The following HS6ST3 variants were observed in gnomAD, a reference collection of about 807,000 sequenced individuals.
HS6ST3 encodes the protein heparan-sulfate 6-O-sulfotransferase 3.
A neutral mutation model predicts 36.7 loss-of-function variants in HS6ST3; 12 were observed. The observed-to-expected ratio is 0.33, with a 90% confidence interval of 0.21 to 0.53. The LOEUF is 0.53. HS6ST3 is among the 20% of genes least tolerant of loss of function. The pLI is 0.95. For missense variants in HS6ST3, 584 were observed against 640.9 expected, an observed-to-expected ratio of 0.91 and a Z score of 0.96; for synonymous variants, 240 against 257.5, an observed-to-expected ratio of 0.93 and a Z score of 0.65.
At chr13:96,620,496 A>G (rs1360152326) in intron 1 of HS6ST3, among the ~76,000 whole-genome samples, 1 of 152,232 alleles carries the variant, frequency 6.6e-6, no homozygotes, top group African/African-American at 2.4e-5. Flanking sequence ...CAGGCCTTGA[A>G]CATCTGACTT....
In HS6ST3 at chr13:96,335,425, G is replaced by A. The variant is rs143983223; in HGVS notation, c.707+243856G>A. On this transcript the variant is annotated intron_variant, in intron 1 of 1. Coordinates refer to ENST00000376705, the MANE Select transcript of HS6ST3 (RefSeq NM_153456.4). ...AGGGTGGTTTGGGGGCCCCTGTGAC[G>A]TGCTTGACTGCTGGCTTTGCCCACG... is the stretch of plus-strand genomic sequence containing the variant. Among the ~76,000 whole-genome samples the A allele has an allele frequency of 5.3e-3, 814 of 152,292 alleles. 5 individuals carry two copies. Among genetic ancestry groups the A allele is most frequent in the Non-Finnish European group, 8.2e-3 (556 of 68,028 alleles).
intron 1 of HS6ST3, among the ~76,000 whole-genome samples, chr13:96,723,405 G>A (rs1204498368): frequency 6.6e-6 from 1 of 152,118 alleles, no homozygotes; most frequent in Non-Finnish European, 1.5e-5. Context: ...GGTGGCTCCT[G>A]ATGACTCTAC....
chr13:96,401,518 T>C lies in HS6ST3; in HGVS notation c.707+309949T>C, dbSNP rs2055451042. ...GTCCTTTCTCAGTTTCTTATAGTTT[T>C]ATTTGTTACAATTGTCACAAGTATA... is the stretch of plus-strand genomic sequence containing the variant. On this transcript the variant is annotated intron_variant, in intron 1 of 1. Coordinates refer to ENST00000376705, the MANE Select transcript of HS6ST3 (RefSeq NM_153456.4). Among the ~76,000 whole-genome samples the C allele has an allele frequency of 2.0e-5, 3 of 152,226 alleles. No homozygotes were observed. In the South Asian group the frequency reaches 6.2e-4, roughly 32 times the overall value.
At chr13:96,316,495 G>A (rs564314878) in intron 1 of HS6ST3, among the ~76,000 whole-genome samples, 40 of 152,130 alleles carry the variant, frequency 2.6e-4, no homozygotes, top group Non-Finnish European at 5.3e-4. Flanking sequence ...CTGTGAAGAT[G>A]AAATGCAGCT....
chr13:96,193,878 G>A (rs1489784650), intron 1 of HS6ST3, among the ~76,000 whole-genome samples: 1 of 152,150 alleles, frequency 6.6e-6, no homozygotes, highest in African/African-American at 2.4e-5. Context: ...GGCCACCAGA[G>A]CTAATTAATA....
intron 1 of HS6ST3, among the ~76,000 whole-genome samples, chr13:96,207,121 C>T (rs969392482): frequency 7.9e-5 from 12 of 152,150 alleles, no homozygotes; most frequent in African/African-American, 2.9e-4. Context: ...AAAACCTAAA[C>T]AACCCTGTTA....
chr13:96,633,213 A>G (rs2056537892), intron 1 of HS6ST3, among the ~76,000 whole-genome samples: 1 of 152,206 alleles, frequency 6.6e-6, no homozygotes, highest in African/African-American at 2.4e-5. Flanking sequence ...AGGCAGGAAC[A>G]TAAATGGGAG....
chr13:96,433,543 C>G (rs963554794), intron 1 of HS6ST3, among the ~76,000 whole-genome samples: 38 of 152,190 alleles, frequency 2.5e-4, no homozygotes, highest in African/African-American at 8.9e-4. Flanking sequence ...TGCACATGCT[C>G]TTTTACCTGT....
At chr13:96,648,215 C>CAAG (rs2056595384) in intron 1 of HS6ST3, among the ~76,000 whole-genome samples, 1 of 152,030 alleles carries the variant, frequency 6.6e-6, no homozygotes, top group Non-Finnish European at 1.5e-5. Context: ...CAGCACAACA[C>CAAG]AAGCTGTCAC....
At chr13:96,117,746 G>T (rs907685592) in intron 1 of HS6ST3, among the ~76,000 whole-genome samples, 1 of 152,172 alleles carries the variant, frequency 6.6e-6, no homozygotes, top group East Asian at 1.9e-4. Context: ...GTAATAGACT[G>T]CATGAATCTA....
chr13:96,345,181 G>A (rs2055147567), intron 1 of HS6ST3, among the ~76,000 whole-genome samples: 1 of 152,142 alleles, frequency 6.6e-6, no homozygotes, highest in South Asian at 2.1e-4. Flanking sequence ...GCTTCAGGAG[G>A]ATTCTTCCTT....
intron 1 of HS6ST3, among the ~76,000 whole-genome samples, chr13:96,229,178 G>A (rs1459791568): frequency 6.6e-6 from 1 of 152,150 alleles, no homozygotes. Context: ...AAAAACCCAG[G>A]AGGGGTACTG....
At chr13:96,634,359 G>A (rs984434996) in intron 1 of HS6ST3, among the ~76,000 whole-genome samples, 4 of 152,108 alleles carry the variant, frequency 2.6e-5, no homozygotes, top group Non-Finnish European at 5.9e-5. Flanking sequence ...GCTCACATCG[G>A]AATGGCTTGT....
intron 1 of HS6ST3, among the ~76,000 whole-genome samples, chr13:96,410,471 T>TA (rs1044872218): frequency 6.6e-6 from 1 of 151,858 alleles, no homozygotes; most frequent in Non-Finnish European, 1.5e-5. Context: ...TGATATGAAT[T>TA]AAAAAAAATA....
intron 1 of HS6ST3, among the ~76,000 whole-genome samples, chr13:96,665,208 A>G (rs1362612510): frequency 6.6e-6 from 1 of 152,082 alleles, no homozygotes; most frequent in African/African-American, 2.4e-5. Flanking sequence ...GGCCAAAAAG[A>G]AGCATTTGCC....
intron 1 of HS6ST3, among the ~76,000 whole-genome samples, chr13:96,531,640 A>C (rs2056135735): frequency 6.6e-6 from 1 of 152,220 alleles, no homozygotes; most frequent in Non-Finnish European, 1.5e-5. Flanking sequence ...CTCACCTGTG[A>C]AACGGAGGTT....
At chr13:96,550,862 A>G (rs943980979) in intron 1 of HS6ST3, among the ~76,000 whole-genome samples, 1 of 152,162 alleles carries the variant, frequency 6.6e-6, no homozygotes, top group Non-Finnish European at 1.5e-5. Context: ...ATGAAAATTC[A>G]AAAGTCAGGT....
intron 1 of HS6ST3, among the ~76,000 whole-genome samples, chr13:96,827,604 A>G (rs1374558085): frequency 2.6e-5 from 4 of 152,162 alleles, no homozygotes; most frequent in Non-Finnish European, 5.9e-5. Flanking sequence ...TTCCACTAGG[A>G]CATTTCTATG....
chr13:96,822,029 A>G (rs976189650), intron 1 of HS6ST3, among the ~76,000 whole-genome samples: 2 of 152,216 alleles, frequency 1.3e-5, no homozygotes, highest in Admixed American at 6.5e-5. Flanking sequence ...CATGGTTTCT[A>G]CCTGTGTAAT....
Sources: allele counts gnomAD v4.1 joint callset (sites outside exome capture counted in the v4.1 genomes callset), GRCh38; gene constraint gnomAD v4.1.1; transcripts MANE v1.5; gene names NCBI Gene and HGNC (gene_info 2026-07-23, HGNC 2026-07-21).